RALY: variants seen among roughly 807,000 people sequenced by gnomAD.
The protein encoded by RALY is RNA-binding protein Raly.
RALY carries 15 observed loss-of-function variants against 30.7 expected under a neutral mutation model. The observed-to-expected ratio is 0.49, with a 90% CI of 0.33 to 0.75. The LOEUF (loss-of-function observed/expected upper bound fraction) is 0.75, where lower values mean the gene tolerates loss of function less well. Ranked by LOEUF, RALY falls within the 30% of genes least tolerant of loss-of-function variation. The pLI is 0.02. For missense variants in RALY, 339 were observed against 414.3 expected (o/e 0.82, Z 1.58); for synonymous variants, 177 against 170.8 (o/e 1.04, Z -0.28).
At chr20:34,004,372 C>A (rs1450741342) in intron 1 of RALY, among the ~76,000 whole-genome samples, 1 of 152,208 alleles carries the variant, frequency 6.6e-6, no homozygotes, top group African/African-American at 2.4e-5. Context: ...CCATACTATG[C>A]AGAAGCAACA....
chr20:34,080,818 C>T lies in RALY; in HGVS notation c.*913C>T, dbSNP rs77042903. 17,364 of 152,520 alleles carry T rather than the reference C, an allele frequency of 0.11. 1,348 individuals are homozygous for T. Among genetic ancestry groups the T allele is most frequent in the Non-Finnish European group, 0.18 (12,153 of 68,178 alleles). The allele number at this position is 152,520 out of a possible 1,614,324, so 9.4% of individuals were successfully genotyped here. A position where few individuals can be genotyped will look rare whatever the true frequency, so the allele number is the denominator to read the frequency against. ...CAGCCTCTCCTGTTTCTTGTCACCA[C>T]CCCTTTCCTGCCCCTGACACAAACC... On this transcript the variant is annotated 3_prime_UTR_variant, in exon 10 of 10. Coordinates refer to ENST00000246194, the MANE Select transcript of RALY (RefSeq NM_016732.3).
At chr20:34,037,314 T>G (rs1436036409) in intron 2 of RALY, among the ~76,000 whole-genome samples, 2 of 151,560 alleles carry the variant, frequency 1.3e-5, no homozygotes, top group Non-Finnish European at 2.9e-5. Flanking sequence ...CATACGGGGG[T>G]GGTGTAGCAG....
intron 2 of RALY, among the ~76,000 whole-genome samples, chr20:34,056,099 C>T (rs902169398): frequency 1.3e-5 from 2 of 149,648 alleles, no homozygotes; most frequent in African/African-American, 2.5e-5. Context: ...TCAGTGTCCA[C>T]AAAGCCCTTT....
At chr20:33,994,392 G>C (rs937869308) in intron 1 of RALY, 2 of 152,310 alleles carry the variant, frequency 1.3e-5, no homozygotes, top group African/African-American at 4.8e-5. Flanking sequence ...CTCTCTCCGC[G>C]GGCCAAGTCT....
At chr20:34,056,141 C>T (rs187053104) in intron 2 of RALY, among the ~76,000 whole-genome samples, 2 of 152,218 alleles carry the variant, frequency 1.3e-5, no homozygotes, top group Admixed American at 6.5e-5. Flanking sequence ...ACTCTAGTAT[C>T]ATCGGCATCA....
chr20:34,048,945 C>G (rs1485684833), intron 2 of RALY, among the ~76,000 whole-genome samples: 1 of 151,562 alleles, frequency 6.6e-6, no homozygotes, highest in Non-Finnish European at 1.5e-5. Flanking sequence ...ACTTTTAACA[C>G]ATTCTGTGTG....
At chr20:33,999,261 T>C (rs1416287425) in intron 1 of RALY, among the ~76,000 whole-genome samples, 1 of 152,106 alleles carries the variant, frequency 6.6e-6, no homozygotes, top group Non-Finnish European at 1.5e-5. Context: ...GTGCTGTTTA[T>C]TGAGGTGAGG....
chr20:34,003,202 TAAG>T (rs2030997440), intron 1 of RALY, among the ~76,000 whole-genome samples: 1 of 152,176 alleles, frequency 6.6e-6, no homozygotes, highest in Non-Finnish European at 1.5e-5. Flanking sequence ...TCTGGAATAA[TAAG>T]GCCATGTAAA....
chr20:34,012,007 A>C (rs1420680926), intron 1 of RALY, among the ~76,000 whole-genome samples: 2 of 151,844 alleles, frequency 1.3e-5, no homozygotes, highest in African/African-American at 4.8e-5. Context: ...CGGAGGCTGC[A>C]GTAAGCCGAG....
At chr20:34,054,302 C>T (rs2033171909) in intron 2 of RALY, among the ~76,000 whole-genome samples, 1 of 152,142 alleles carries the variant, frequency 6.6e-6, no homozygotes, top group Non-Finnish European at 1.5e-5. Context: ...ATAGTCTCTG[C>T]CTTCAAGGAG....
intron 2 of RALY, among the ~76,000 whole-genome samples, chr20:34,063,137 G>C (rs981344947): frequency 6.6e-6 from 1 of 152,194 alleles, no homozygotes; most frequent in Non-Finnish European, 1.5e-5. Context: ...TGGTTTCATC[G>C]TATGTGAAAT....
At chr20:34,041,767 C>A (rs1432404799) in intron 2 of RALY, among the ~76,000 whole-genome samples, 1 of 152,192 alleles carries the variant, frequency 6.6e-6, no homozygotes, top group Non-Finnish European at 1.5e-5. Flanking sequence ...TGACAATCAT[C>A]AAGTTTACAT....
At chr20:34,057,696 T>G (rs1417523998) in intron 2 of RALY, among the ~76,000 whole-genome samples, 1 of 149,468 alleles carries the variant, frequency 6.7e-6, no homozygotes, top group African/African-American at 2.4e-5. Context: ...CAACCTCTGA[T>G]CTTACCCATT....
intron 1 of RALY, among the ~76,000 whole-genome samples, chr20:33,999,285 A>G (rs1190293115): frequency 1.3e-5 from 2 of 152,116 alleles, no homozygotes; most frequent in Non-Finnish European, 2.9e-5. Context: ...CAGGAGAAGA[A>G]GGAGCACGTA....
At chr20:34,036,922 T>G (rs974652943) in intron 2 of RALY, among the ~76,000 whole-genome samples, 1 of 152,176 alleles carries the variant, frequency 6.6e-6, no homozygotes, top group Non-Finnish European at 1.5e-5. Context: ...TTCCATTGAT[T>G]TTTTATTATT....
chr20:34,063,358 A>G (rs1046794591), intron 2 of RALY, among the ~76,000 whole-genome samples: 12 of 152,138 alleles, frequency 7.9e-5, no homozygotes, highest in Admixed American at 3.9e-4. Flanking sequence ...AGTGGGAGCA[A>G]TCTAGTGGAA....
intron 2 of RALY, among the ~76,000 whole-genome samples, chr20:34,066,872 C>T (rs755800803): frequency 5.3e-5 from 8 of 152,072 alleles, no homozygotes; most frequent in Non-Finnish European, 1.0e-4. Context: ...GCTTTGTTCA[C>T]TAAAATTCTG....
intron 1 of RALY, among the ~76,000 whole-genome samples, chr20:34,016,941 C>T (rs999155701): frequency 1.6e-4 from 25 of 152,266 alleles, no homozygotes; most frequent in African/African-American, 6.0e-4. Flanking sequence ...TGGGAGGAGG[C>T]TGGAGCAGTG....
chr20:34,004,690 T>TTTC, intron 1 of RALY, among the ~76,000 whole-genome samples: 1 of 152,244 alleles, frequency 6.6e-6, no homozygotes, highest in East Asian at 1.9e-4. Flanking sequence ...TCTTTGCTTA[T>TTTC]ACTTACATCA....
Sources: allele counts gnomAD v4.1 joint callset (sites outside exome capture counted in the v4.1 genomes callset), GRCh38; gene constraint gnomAD v4.1.1; transcripts MANE v1.5; gene names NCBI Gene and HGNC (gene_info 2026-07-23, HGNC 2026-07-21).